The following RGS7 variants were observed in gnomAD, a reference collection of about 807,000 sequenced individuals.
RGS7 encodes regulator of G protein signaling 7.
In RGS7, 27 loss-of-function variants were observed where a neutral mutation model predicts 81.1. The ratio of observed to expected loss-of-function variants is 0.33; its 90% CI spans 0.25 to 0.46. The LOEUF is 0.46. Ranked by LOEUF, RGS7 falls within the 20% of genes least tolerant of loss-of-function variation. The probability of loss-of-function intolerance (pLI) is 1.00; values close to 1 mark genes in which losing one functional copy is unlikely to be tolerated. For missense variants in RGS7, 396 were observed against 607.4 expected (o/e 0.65, Z 3.66); for synonymous variants, 208 against 207.7 (o/e 1.00, Z -0.01).
At chr1:241,136,136 C>T (rs963660060) in intron 2 of RGS7, among the ~76,000 whole-genome samples, 10 of 152,042 alleles carry the variant, frequency 6.6e-5, no homozygotes, top group African/African-American at 2.4e-4. Context: ...CTTCACTAGC[C>T]GGTAGGTGAA....
At chr1:241,182,809 G>T (rs1037983956) in intron 2 of RGS7, among the ~76,000 whole-genome samples, 1 of 144,990 alleles carries the variant, frequency 6.9e-6, no homozygotes, top group Admixed American at 7.1e-5. Flanking sequence ...CTACCATACC[G>T]GGTTAATTTT....
intron 2 of RGS7, among the ~76,000 whole-genome samples, chr1:241,221,015 AAGGAAGGAAGGAAGGAAGGAAGGAAAAG>A: frequency 9.6e-6 from 1 of 103,918 alleles, no homozygotes; most frequent in African/African-American, 3.2e-5. Flanking sequence ...GAAAGGAAGG[AAGGAAGGAAGGAAGGAAGGAAGGAAAAG>A]AAAGAAAGAA....
At chr1:240,791,876 C>T (rs1034568413) in intron 18 of RGS7, among the ~76,000 whole-genome samples, 6 of 152,056 alleles carry the variant, frequency 3.9e-5, no homozygotes, top group Non-Finnish European at 7.4e-5. Context: ...CCCTTTAGAC[C>T]GTTGATGGAA....
chr1:241,029,117 G>A (rs1309748758), intron 3 of RGS7, among the ~76,000 whole-genome samples: 1 of 148,260 alleles, frequency 6.7e-6, no homozygotes, highest in Non-Finnish European at 1.5e-5. Flanking sequence ...GGTTGAGGCT[G>A]TTGATGTAAA....
chr1:241,320,397 TGGAAA>T (rs1460981494), intron 2 of RGS7, among the ~76,000 whole-genome samples: 1 of 152,194 alleles, frequency 6.6e-6, no homozygotes, highest in Non-Finnish European at 1.5e-5. Context: ...ATAATAACTG[TGGAAA>T]GTGATTTAAC....
In RGS7 at chr1:241,234,485, CT is replaced by C. The variant is rs59539573; in HGVS notation, c.78+121213del. ...ATCTTGTTTTTCTTTTTCTTTTTTT[CT>C]TTTTTTTTTTCTCCTTCTTGCCAGT... On this transcript the variant is annotated intron_variant, in intron 2 of 18. Coordinates refer to ENST00000440928, the MANE Select transcript of RGS7 (RefSeq NM_001364886.1). Among the ~76,000 whole-genome samples the C allele has an allele frequency of 7.7e-3, 1,141 of 147,358 alleles. 17 individuals carry two copies. The highest frequency in any genetic ancestry group is 0.026 in the African/African-American group (1,046 of 40,392).
At chr1:241,343,882 CAAAAA>C (rs1191460894) in intron 2 of RGS7, among the ~76,000 whole-genome samples, 1 of 151,072 alleles carries the variant, frequency 6.6e-6, no homozygotes, top group Non-Finnish European at 1.5e-5. Flanking sequence ...AATAGAAAAA[CAAAAA>C]AAAGAAAAAG....
intron 2 of RGS7, among the ~76,000 whole-genome samples, chr1:241,265,916 TC>T (rs2077569385): frequency 6.7e-6 from 1 of 148,548 alleles, no homozygotes; most frequent in Non-Finnish European, 1.5e-5. Context: ...TGCCTCAGCC[TC>T]CCGAGTAGCT....
At chr1:241,046,301 G>GA (rs1644744014) in intron 3 of RGS7, among the ~76,000 whole-genome samples, 2 of 6,426 alleles carry the variant, frequency 3.1e-4, no homozygotes, top group Non-Finnish European at 0.011. Flanking sequence ...TTTCAGCCCT[G>GA]ACCCCCCCCC....
At chr1:241,029,028 C>T (rs1190703020) in intron 3 of RGS7, among the ~76,000 whole-genome samples, 3 of 151,784 alleles carry the variant, frequency 2.0e-5, no homozygotes, top group Non-Finnish European at 4.4e-5. Context: ...CGTGGGCAGG[C>T]GGGAGAAATC....
chr1:240,826,752 G>A (rs908339071), intron 10 of RGS7, among the ~76,000 whole-genome samples: 1 of 151,988 alleles, frequency 6.6e-6, no homozygotes, highest in Non-Finnish European at 1.5e-5. Context: ...AAATTCTAGT[G>A]TTAAGAGGGG....
chr1:241,238,280 A>C (rs936980151), intron 2 of RGS7, among the ~76,000 whole-genome samples: 3 of 152,182 alleles, frequency 2.0e-5, no homozygotes, highest in African/African-American at 7.2e-5. Flanking sequence ...AAGAAATAAA[A>C]GGAAGTAATA....
chr1:241,241,893 T>C (rs1376962161), intron 2 of RGS7, among the ~76,000 whole-genome samples: 20 of 152,188 alleles, frequency 1.3e-4, no homozygotes, highest in Admixed American at 1.3e-3. Flanking sequence ...ATTTCTTTTC[T>C]GAACTTTAGT....
intron 5 of RGS7, among the ~76,000 whole-genome samples, chr1:240,935,770 A>C (rs1676518178): frequency 6.6e-6 from 1 of 152,224 alleles, no homozygotes; most frequent in African/African-American, 2.4e-5. Flanking sequence ...GCATTTAATA[A>C]TACTTAGAAC....
At chr1:240,793,611 A>ATATATATTTTTTTTGTTTTTTTTTT in intron 18 of RGS7, among the ~76,000 whole-genome samples, 1 of 78,872 alleles carries the variant, frequency 1.3e-5, no homozygotes, top group African/African-American at 9.7e-5. Flanking sequence ...ATATATATAT[A>ATATATATTTTTTTTGTTTTTTTTTT]TTTTTTTTTT....
chr1:241,063,774 A>G (rs186983987), intron 3 of RGS7, among the ~76,000 whole-genome samples: 481 of 152,106 alleles, frequency 3.2e-3, no homozygotes, highest in Middle Eastern at 0.02. Context: ...TGTAAAAATG[A>G]TGGTGATATT....
At position 240,933,073 on chromosome 1, in the gene RGS7, G is replaced by A. The variant is rs541964202; in HGVS notation, c.334-2305C>T. Among the ~76,000 whole-genome samples the A allele has an allele frequency of 2.5e-3, 367 of 149,080 alleles. 4 individuals carry two copies. Among genetic ancestry groups the A allele is most frequent in the Middle Eastern group, 7.0e-3 (2 of 286 alleles). ...AATTTTTTGTATTTTCAGTAGAGAC[G>A]GGGTTTCACCGTGTTAGCCAGGATG... is the stretch of plus-strand genomic sequence containing the variant. On this transcript the variant is annotated intron_variant, in intron 5 of 18. Coordinates refer to ENST00000440928, the MANE Select transcript of RGS7 (RefSeq NM_001364886.1).
intron 3 of RGS7, among the ~76,000 whole-genome samples, chr1:241,086,092 A>T (rs553919138): frequency 1.3e-5 from 2 of 152,292 alleles, no homozygotes; most frequent in African/African-American, 4.8e-5. Flanking sequence ...CTCATTCCAC[A>T]CACAACTCCA....
rs138764359 is a variant in RGS7 at position 240,862,484 on chromosome 1, A to G, written c.609+6103T>C. Among the ~76,000 whole-genome samples the G allele has an allele frequency of 7.1e-3, 1,079 of 152,308 alleles. 11 individuals carry two copies. Among genetic ancestry groups the G allele is most frequent in the Middle Eastern group, 0.027 (8 of 294 alleles). The stretch of plus-strand genomic sequence containing the variant: ...GCTCGTGTCAAATCGGATCAAATAA[A>G]AGTATTCAAAAGGCAAGGTAGCATA... On this transcript the variant is annotated intron_variant, in intron 9 of 18. Transcript: ENST00000440928.
Sources: gnomAD v4.1 joint callset for allele counts (sites outside exome capture counted in the v4.1 genomes callset) on GRCh38, gnomAD v4.1.1 for gene constraint, MANE v1.5 for transcripts, NCBI Gene and HGNC (gene_info 2026-07-23, HGNC 2026-07-21) for gene names.